Variants in TLCD3A observed in about 807,000 individuals in gnomAD.
TLCD3A encodes the protein TLC domain containing 3A, also known as TLC domain-containing protein 3A.
Under a neutral mutation model 29.9 loss-of-function variants are expected in TLCD3A, and 17 were observed. The ratio of observed to expected loss-of-function variants is 0.57; its 90% CI spans 0.39 to 0.85. TLCD3A has a LOEUF of 0.85. Ranked by LOEUF, TLCD3A falls within the 40% of genes least tolerant of loss-of-function variation. The pLI is 0.00. For synonymous variants in TLCD3A, 143 were observed against 147.7 expected, an observed-to-expected ratio of 0.97 and a Z score of 0.23; for missense variants, 332 against 350.8, an observed-to-expected ratio of 0.95 and a Z score of 0.43.
At chr17:733,031 C>CGGGCG (rs1567768608) in intron 1 of TLCD3A, 67 bp from the exon 2 acceptor site, 1 of 1,520,208 alleles carries the variant, frequency 6.6e-7, no homozygotes. Context: ...GCCGAAGGGC[C>CGGGCG]GGGCCGGGCT....
At chr17:733,759 T>C (rs921478692) in intron 2 of TLCD3A, among the ~76,000 whole-genome samples, 3 of 152,222 alleles carry the variant, frequency 2.0e-5, no homozygotes, top group East Asian at 3.8e-4. Flanking sequence ...ACCAGAATAG[T>C]CGACTTTGTA....
chr17:738,105 T>TTTTTTTTTC, intron 3 of TLCD3A, 58 bp downstream of exon 3: 1 of 1,310,104 alleles, frequency 7.6e-7, no homozygotes, highest in Non-Finnish European at 1.0e-6. Flanking sequence ...TCTTTTTTTT[T>TTTTTTTTTC]TTTTTTTTCT....
At chr17:733,038 G>GGCCGA (rs1230318878) in intron 1 of TLCD3A, 60 bp from the exon 2 acceptor site, 2 of 1,527,922 alleles carry the variant, frequency 1.3e-6, no homozygotes, top group Non-Finnish European at 1.8e-6. Flanking sequence ...GGCCGGGCCG[G>GGCCGA]GCTCCCTGCG....
intron 3 of TLCD3A, among the ~76,000 whole-genome samples, chr17:738,723 C>T (rs568362625): frequency 1.4e-4 from 22 of 152,288 alleles, no homozygotes; most frequent in South Asian, 8.3e-4. Flanking sequence ...CAGGCACACA[C>T]TACAACGTCC....
At chr17:739,388 C>T (rs1161912493) in intron 3 of TLCD3A, among the ~76,000 whole-genome samples, 3 of 152,172 alleles carry the variant, frequency 2.0e-5, no homozygotes, top group Non-Finnish European at 2.9e-5. Context: ...GGGGTTTCAC[C>T]ATATTGGTCA....
rs368760331 is a variant in TLCD3A at position 740,753 on chromosome 17, CAGAG to C, written c.504+158_504+161del. Reference sequence around the variant, plus strand: ...GATTCAGGCATGTATGAATGAATGGCAGAGAGAGTGAGGGTTCTGATTCAGGCAT... The same window carrying C: ...GATTCAGGCATGTATGAATGAATGGCAGAGTGAGGGTTCTGATTCAGGCAT... On this transcript the variant is annotated intron_variant, in intron 4 of 4. Coordinates refer to ENST00000308278, the MANE Select transcript of TLCD3A (RefSeq NM_024792.3). Among the ~76,000 whole-genome samples the C allele has an allele frequency of 2.1e-3, 322 of 151,606 alleles. 1 individual carries two copies. Among genetic ancestry groups the C allele is most frequent in the African/African-American group, 7.4e-3 (307 of 41,286 alleles).
intron 2 of TLCD3A, 128 bp downstream of exon 2, chr17:733,309 T>C: frequency 1.2e-5 from 11 of 880,486 alleles, no homozygotes; most frequent in Non-Finnish European, 1.8e-5. Context: ...GGGCTCCTTC[T>C]TCCTCTCCGG....
chr17:736,806 C>G (rs1443933605), intron 2 of TLCD3A, among the ~76,000 whole-genome samples: 1 of 151,552 alleles, frequency 6.6e-6, no homozygotes, highest in African/African-American at 2.4e-5. Context: ...CAGGTGCACA[C>G]CACCATGCCC....
chr17:732,979 G>A (rs1974096243), intron 1 of TLCD3A, 119 bp from the exon 2 acceptor site: 2 of 1,414,980 alleles, frequency 1.4e-6, no homozygotes, highest in Non-Finnish European at 1.9e-6. Context: ...ATGAGCCTCC[G>A]GAGCCCGCTC....
intron 3 of TLCD3A, 49 bp downstream of exon 3, chr17:738,096 C>CTTTTTTTTTTTTTTTTTTTTTTTT (rs371294933): frequency 2.7e-6 from 1 of 373,780 alleles, no homozygotes; most frequent in East Asian, 8.1e-5. Flanking sequence ...AGCTGGGTGT[C>CTTTTTTTTTTTTTTTTTTTTTTTT]TTTTTTTTTT....
At chr17:740,470 CCA>C (rs757023623) in intron 3 of TLCD3A, 33 bp from the exon 4 acceptor site, 1 of 1,525,236 alleles carries the variant, frequency 6.6e-7, no homozygotes, top group South Asian at 1.1e-5. Context: ...TTCTTAACCT[CCA>C]CTTACTTCCC....
At position 733,631 on chromosome 17, in the gene TLCD3A, A is replaced by G. The variant is rs542274026; in HGVS notation, c.206+450A>G. On this transcript the variant is annotated intron_variant, in intron 2 of 4. Transcript: ENST00000308278. ...TTTTCCTGCAGATTTGCTAAAGGTG[A>G]TTGAGAGGTTCCCAGCGCTTAGAAC... Among the ~76,000 whole-genome samples the G allele has an allele frequency of 5.5e-4, 83 of 152,236 alleles. 1 individual carries two copies. In the South Asian group the frequency reaches 0.011, roughly 20 times the overall value.
intron 2 of TLCD3A, among the ~76,000 whole-genome samples, chr17:735,464 G>A (rs1464419036): frequency 6.6e-6 from 1 of 152,202 alleles, no homozygotes; most frequent in Non-Finnish European, 1.5e-5. Context: ...ATCTTCAGAG[G>A]ATTCTACTCA....
rs769651760 is a variant in TLCD3A at position 733,196 on chromosome 17, CG to C, written c.206+19del. On this transcript the variant is annotated intron_variant, in intron 2 of 4. Transcript: ENST00000308278. Reference sequence around the variant, plus strand: ...ATCACCGGCAGGTAAGAGCCCGGGCCGGGGCCTTGTTGCAAATGTCACATTT... The same window carrying C: ...ATCACCGGCAGGTAAGAGCCCGGGCCGGGCCTTGTTGCAAATGTCACATTT... 5.2e-5 allele frequency: 79 copies of C among 1,530,232 alleles called. No homozygotes were observed. Among genetic ancestry groups the C allele is most frequent in the Middle Eastern group, 5.1e-4 (3 of 5,922 alleles). 94.8% of individuals were successfully genotyped at this position (1,530,232 alleles called of 1,614,324 possible). A position where few individuals can be genotyped will look rare whatever the true frequency, so the allele number is the denominator to read the frequency against.
chr17:741,921 T>A lies in TLCD3A; in HGVS notation c.*351T>A. 1 of 339,822 alleles carries A rather than the reference T, an allele frequency of 2.9e-6. No homozygotes were observed. The highest frequency in any genetic ancestry group is 5.6e-6 in the Non-Finnish European group (1 of 179,718). The allele number at this position is 339,822 out of a possible 1,614,324, so 21.1% of individuals were successfully genotyped here. Reference sequence around the variant, plus strand: ...AAGTGTCTGCACATCTGCCTGTCCCTGTATCAGCGGCTACCCACCTTCCAA... The same window carrying A: ...AAGTGTCTGCACATCTGCCTGTCCCAGTATCAGCGGCTACCCACCTTCCAA... On this transcript the variant is annotated 3_prime_UTR_variant, in exon 5 of 5. Coordinates refer to ENST00000308278, the MANE Select transcript of TLCD3A (RefSeq NM_024792.3).
chr17:735,327 AATT>A (rs1974137744), intron 2 of TLCD3A, among the ~76,000 whole-genome samples: 1 of 152,036 alleles, frequency 6.6e-6, no homozygotes, highest in African/African-American at 2.4e-5. Context: ...TCCCACATTT[AATT>A]ATTTAATCTT....
At chr17:738,103 T>TTTTG in intron 3 of TLCD3A, 56 bp downstream of exon 3, 3 of 1,308,546 alleles carry the variant, frequency 2.3e-6, no homozygotes, top group Non-Finnish European at 3.1e-6. Context: ...TGTCTTTTTT[T>TTTTG]TTTTTTTTTT....
At chr17:738,908 C>T (rs1480976535) in intron 3 of TLCD3A, among the ~76,000 whole-genome samples, 1 of 152,172 alleles carries the variant, frequency 6.6e-6, no homozygotes, top group Admixed American at 6.5e-5. Flanking sequence ...CTGTGATTCC[C>T]TAGCGTTTGT....
intron 4 of TLCD3A, 47 bp from the exon 5 acceptor site, chr17:741,254 C>G (rs1469558169): frequency 6.2e-7 from 1 of 1,604,238 alleles, no homozygotes; most frequent in Non-Finnish European, 8.5e-7. Flanking sequence ...CTCCCTGATG[C>G]CCAGCTTCTT....
Sources: gnomAD v4.1 joint callset for allele counts (sites outside exome capture counted in the v4.1 genomes callset) on GRCh38, gnomAD v4.1.1 for gene constraint, MANE v1.5 for transcripts, NCBI Gene and HGNC (gene_info 2026-07-23, HGNC 2026-07-21) for gene names.